The following ADGRB3 variants were observed in gnomAD, a reference collection of about 807,000 sequenced individuals.
ADGRB3 encodes the protein brain-specific angiogenesis inhibitor 3.
A neutral mutation model predicts 193.4 loss-of-function variants in ADGRB3; 37 were observed. The ratio of observed to expected loss-of-function variants is 0.19; its 90% CI spans 0.15 to 0.25. ADGRB3 has a LOEUF of 0.25. Among genes scored for constraint, ADGRB3 ranks in the 10% least tolerant of loss-of-function variants. The pLI is 1.00. For missense variants in ADGRB3, 1,637 were observed against 1,852.9 expected (o/e 0.88, Z 2.14); for synonymous variants, 690 against 644.2 (o/e 1.07, Z -1.08).
chr6:69,012,134 A>G (rs879543537), intron 11 of ADGRB3, among the ~76,000 whole-genome samples: 6 of 152,118 alleles, frequency 3.9e-5, no homozygotes, highest in Admixed American at 3.9e-4. Flanking sequence ...TTGTGTATGC[A>G]GTGGCCTTCA....
chr6:68,761,963 T>C (rs1477225673), intron 3 of ADGRB3, among the ~76,000 whole-genome samples: 1 of 152,194 alleles, frequency 6.6e-6, no homozygotes, highest in Non-Finnish European at 1.5e-5. Context: ...ATCAATCATA[T>C]AATGATTTAA....
chr6:69,388,635 T>TGG, intron 31 of ADGRB3, 68 bp from the exon 32 acceptor site: 1 of 1,450,724 alleles, frequency 6.9e-7, no homozygotes, highest in Non-Finnish European at 9.4e-7. Context: ...GCTCTCTTCC[T>TGG]GGAAACTTCA....
At chr6:68,930,896 A>C (rs1260454353) in intron 4 of ADGRB3, among the ~76,000 whole-genome samples, 1 of 152,084 alleles carries the variant, frequency 6.6e-6, no homozygotes, top group Non-Finnish European at 1.5e-5. Flanking sequence ...TTTAGGATTT[A>C]CATAGTAGCA....
At chr6:68,718,849 T>A (rs1765527970) in intron 3 of ADGRB3, among the ~76,000 whole-genome samples, 1 of 151,778 alleles carries the variant, frequency 6.6e-6, no homozygotes, top group Admixed American at 6.6e-5. Flanking sequence ...GTAAATAGTG[T>A]CTTATGGGAA....
intron 3 of ADGRB3, among the ~76,000 whole-genome samples, chr6:68,691,441 G>C (rs1022844778): frequency 6.6e-6 from 1 of 151,946 alleles, no homozygotes; most frequent in Non-Finnish European, 1.5e-5. Context: ...AATTGATGTG[G>C]CTATGGCTAG....
intron 3 of ADGRB3, among the ~76,000 whole-genome samples, chr6:68,904,385 G>T (rs1295199076): frequency 1.3e-5 from 2 of 152,114 alleles, no homozygotes; most frequent in African/African-American, 4.8e-5. Flanking sequence ...TGTCATATAT[G>T]TGGACCTCAT....
At chr6:69,124,295 A>T (rs1167064450) in intron 17 of ADGRB3, among the ~76,000 whole-genome samples, 1 of 152,128 alleles carries the variant, frequency 6.6e-6, no homozygotes, top group Non-Finnish European at 1.5e-5. Context: ...TTATTATCTC[A>T]TAATTGTTAA....
chr6:68,982,208 G>A (rs1489499765), intron 10 of ADGRB3, among the ~76,000 whole-genome samples: 1 of 151,954 alleles, frequency 6.6e-6, no homozygotes, highest in East Asian at 1.9e-4. Context: ...CTTTTTGTCT[G>A]TCGTATCTCC....
At chr6:69,082,259 T>C (rs572300956) in intron 17 of ADGRB3, among the ~76,000 whole-genome samples, 132 of 152,144 alleles carry the variant, frequency 8.7e-4, no homozygotes, top group Non-Finnish European at 1.6e-3. Flanking sequence ...AAAATATTGA[T>C]TATACATCAT....
intron 19 of ADGRB3, among the ~76,000 whole-genome samples, chr6:69,236,085 T>TA (rs1283337280): frequency 9.9e-5 from 15 of 152,082 alleles, no homozygotes; most frequent in Admixed American, 3.3e-4. Flanking sequence ...TCACTTAAGA[T>TA]AAAAAACATT....
rs1770137870 is a variant in ADGRB3 at position 69,389,045 on chromosome 6, A to G, written c.*154A>G. 2 of 716,596 alleles carry G rather than the reference A, an allele frequency of 2.8e-6. No individual in the cohort carries two copies. Among genetic ancestry groups the G allele is most frequent in the South Asian group, 1.9e-5 (1 of 51,462 alleles). The allele number at this position is 716,596 out of a possible 1,614,324, so 44.4% of individuals were successfully genotyped here. A position where few individuals can be genotyped will look rare whatever the true frequency, so the allele number is the denominator to read the frequency against. ...TGGTGTTTTCATATGGTAACTTCTC[A>G]CTAGTCAGGCTAGTGGAGAGATGAC... On this transcript the variant is annotated 3_prime_UTR_variant, in exon 32 of 32. Coordinates refer to ENST00000370598, the MANE Select transcript of ADGRB3 (RefSeq NM_001704.3).
intron 16 of ADGRB3, among the ~76,000 whole-genome samples, chr6:69,073,681 G>C (rs1772145716): frequency 6.6e-6 from 1 of 152,132 alleles, no homozygotes; most frequent in African/African-American, 2.4e-5. Context: ...CACAGGCCTT[G>C]GAAGTTCTGT....
intron 5 of ADGRB3, among the ~76,000 whole-genome samples, chr6:68,938,781 C>A (rs1208125956): frequency 1.3e-5 from 2 of 152,074 alleles, no homozygotes; most frequent in Non-Finnish European, 2.9e-5. Context: ...CTGTTCCCTA[C>A]TTACAGTATT....
intron 3 of ADGRB3, among the ~76,000 whole-genome samples, chr6:68,738,253 T>G (rs539168686): frequency 9.3e-4 from 141 of 152,242 alleles, no homozygotes; most frequent in Non-Finnish European, 1.6e-3. Context: ...TGATAGCAGA[T>G]GAGATCTCAG....
chr6:68,649,181 G>A (rs754573776), intron 3 of ADGRB3, among the ~76,000 whole-genome samples: 1 of 152,098 alleles, frequency 6.6e-6, no homozygotes, highest in Non-Finnish European at 1.5e-5. Context: ...TATGTCTGGA[G>A]TACTTTTGAA....
intron 29 of ADGRB3, among the ~76,000 whole-genome samples, chr6:69,365,041 ATTTAC>A (rs1769539125): frequency 2.0e-5 from 3 of 152,176 alleles, no homozygotes; most frequent in Non-Finnish European, 4.4e-5. Flanking sequence ...AAACTCTGGT[ATTTAC>A]TTTAGCAGGT....
chr6:69,313,701 A>G (rs1354061015), intron 20 of ADGRB3, among the ~76,000 whole-genome samples: 1 of 151,778 alleles, frequency 6.6e-6, no homozygotes. Flanking sequence ...ACATAGTGTA[A>G]ATCAGTTTCT....
At chr6:68,998,410 C>A (rs1384947195) in intron 11 of ADGRB3, among the ~76,000 whole-genome samples, 4 of 152,094 alleles carry the variant, frequency 2.6e-5, no homozygotes, top group Non-Finnish European at 5.9e-5. Flanking sequence ...ATAATTAGAA[C>A]TTATCAAAGT....
At chr6:68,817,828 T>C (rs1016352586) in intron 3 of ADGRB3, among the ~76,000 whole-genome samples, 5 of 152,004 alleles carry the variant, frequency 3.3e-5, no homozygotes, top group Admixed American at 1.3e-4. Flanking sequence ...ATGGTAGAAT[T>C]TTGAGAAAAA....
Sources: allele counts gnomAD v4.1 joint callset (sites outside exome capture counted in the v4.1 genomes callset), GRCh38; gene constraint gnomAD v4.1.1; transcripts MANE v1.5; gene names NCBI Gene and HGNC (gene_info 2026-07-23, HGNC 2026-07-21).